Variants in IL1RL2 observed in about 807,000 individuals in gnomAD.
IL1RL2 encodes interleukin 1 receptor like 2, also known as interleukin-1 receptor-like 2.
IL1RL2 carries 68 observed loss-of-function variants against 66.8 expected under a neutral mutation model. The ratio of observed to expected loss-of-function variants is 1.02; its 90% confidence interval spans 0.84 to 1.25. The LOEUF (loss-of-function observed/expected upper bound fraction) is 1.25, where lower values mean the gene tolerates loss of function less well. Among genes scored for constraint, IL1RL2 ranks in the 50% most tolerant of loss-of-function variants. The pLI, the probability that IL1RL2 is intolerant of heterozygous loss-of-function variation, is 0.00. For missense variants in IL1RL2, 729 were observed against 709.3 expected, an observed-to-expected ratio of 1.03 and a Z score of -0.32; for synonymous variants, 305 against 264.6, an observed-to-expected ratio of 1.15 and a Z score of -1.48.
intron 11 of IL1RL2, among the ~76,000 whole-genome samples, chr2:102,236,793 T>C (rs975079950): frequency 5.3e-5 from 8 of 152,168 alleles, no homozygotes; most frequent in African/African-American, 1.9e-4. Context: ...ATAAAATACA[T>C]TTTAAGAATA....
At position 102,239,299 on chromosome 2, in the gene IL1RL2, C is replaced by G. The variant is rs375229847; in HGVS notation, c.*58C>G. 439 of 1,476,014 alleles carry G rather than the reference C, an allele frequency of 3.0e-4. 2 individuals are homozygous for G. The African/African-American group carries it at 5.6e-3, about 19-fold the overall frequency. The allele number at this position is 1,476,014 out of a possible 1,614,324, so 91.4% of individuals were successfully genotyped here. ...TGACTTGTTTTGCTCCATGTCTCCT[C>G]ATTCCTACACCTATTTTCTGCTGCA... On this transcript the variant is annotated 3_prime_UTR_variant, in exon 12 of 12. Coordinates refer to ENST00000264257, the MANE Select transcript of IL1RL2 (RefSeq NM_003854.4).
Position 102,189,131 on chromosome 2 carries a change from T to G in IL1RL2, c.114T>G (p.Phe38Leu). The G allele has an allele frequency of 6.2e-7, 1 of 1,614,168 alleles. No individual in the cohort carries two copies. The change falls in exon 3 of 12, where the codon TTT (phenylalanine) becomes TTG (leucine). Residue 38 changes from phenylalanine (F) to leucine (L), a missense_variant. Transcript: ENST00000264257. ...KNEILSASQP[F>L]AFNCTFPPIT... ...AGATACTTTCAGCAAGCCAGCCTTTTGCTTTTAATTGTACATTCCCTCCCA... is the reference window on the plus strand; with the variant it reads ...AGATACTTTCAGCAAGCCAGCCTTTGGCTTTTAATTGTACATTCCCTCCCA...
chr2:102,206,459 A>G (rs1274935405), intron 5 of IL1RL2, among the ~76,000 whole-genome samples: 1 of 152,248 alleles, frequency 6.6e-6, no homozygotes, highest in African/African-American at 2.4e-5. Context: ...CCCTAAGCCC[A>G]GTAATGCTGT....
intron 4 of IL1RL2, 63 bp from the exon 5 acceptor site, chr2:102,201,493 T>C (rs1429452766): frequency 6.7e-7 from 1 of 1,490,180 alleles, no homozygotes. Context: ...ATTACCTAAA[T>C]ACTAGGGATC....
rs35311062 is a variant in IL1RL2 at position 102,220,473 on chromosome 2, C to T, written c.991+456C>T. 4.2e-3 allele frequency among the ~76,000 whole-genome samples: 637 copies of T among 152,214 alleles called. 8 individuals carry two copies. The highest frequency in any genetic ancestry group is 0.014 in the African/African-American group (592 of 41,518). On this transcript the variant is annotated intron_variant, in intron 8 of 11. Coordinates refer to ENST00000264257, the MANE Select transcript of IL1RL2 (RefSeq NM_003854.4). ...GGGCTTCCAACTCAATGTGTGTATA[C>T]GAATTGCACTCTGAGTACCGTACAG...
chr2:102,242,901 G>A (rs926058755), downstream of IL1RL2, among the ~76,000 whole-genome samples: 1 of 152,162 alleles, frequency 6.6e-6, no homozygotes, highest in Non-Finnish European at 1.5e-5. Flanking sequence ...ACTGGAAATA[G>A]AAGAATTTAT....
At chr2:102,241,105 G>A (rs1164921581), downstream of IL1RL2, among the ~76,000 whole-genome samples, 1 of 152,222 alleles carries the variant, frequency 6.6e-6, no homozygotes, top group Non-Finnish European at 1.5e-5. Context: ...ACTTACAGGT[G>A]GGCGGGCATC....
At chr2:102,223,372 G>A (rs1288533194) in intron 8 of IL1RL2, among the ~76,000 whole-genome samples, 2 of 152,082 alleles carry the variant, frequency 1.3e-5, no homozygotes, top group Admixed American at 6.5e-5. Flanking sequence ...TGTTTAAATT[G>A]GGTGTGCTCT....
intron 11 of IL1RL2, chr2:102,236,102 A>T (rs1467770102): frequency 4.5e-6 from 1 of 223,996 alleles, no homozygotes; most frequent in Non-Finnish European, 7.5e-6. Flanking sequence ...TGCCCTTGTC[A>T]CAGGCCAATT....
At chr2:102,200,370 G>T (rs1265487400) in intron 4 of IL1RL2, among the ~76,000 whole-genome samples, 2 of 152,170 alleles carry the variant, frequency 1.3e-5, no homozygotes, top group South Asian at 2.1e-4. Flanking sequence ...ACTGCATCCT[G>T]CTGGGCGGCT....
chr2:102,240,361 CTTTTTTTT>C (rs551743835), downstream of IL1RL2, among the ~76,000 whole-genome samples: 168 of 79,788 alleles, frequency 2.1e-3, 2 homozygotes, highest in African/African-American at 7.4e-3. Context: ...TCTTCTCCTC[CTTTTTTTT>C]TTTTTTTTTT....
intron 9 of IL1RL2, among the ~76,000 whole-genome samples, chr2:102,231,757 A>T (rs1234112725): frequency 6.6e-6 from 1 of 152,180 alleles, no homozygotes; most frequent in Non-Finnish European, 1.5e-5. Context: ...ATAAATACTG[A>T]TGACGACGAC....
chr2:102,220,786 T>C (rs1329295779), intron 8 of IL1RL2, among the ~76,000 whole-genome samples: 8 of 152,232 alleles, frequency 5.3e-5, no homozygotes, highest in African/African-American at 1.9e-4. Flanking sequence ...GTTAAACCTA[T>C]GCTTGCATAC....
intron 11 of IL1RL2, among the ~76,000 whole-genome samples, chr2:102,237,210 G>A (rs140357731): frequency 6.6e-5 from 10 of 152,332 alleles, no homozygotes; most frequent in Non-Finnish European, 1.3e-4. Flanking sequence ...GAAGGAAGGG[G>A]GAAGGGTGCT....
intron 8 of IL1RL2, among the ~76,000 whole-genome samples, chr2:102,225,435 C>A: frequency 6.6e-6 from 1 of 152,184 alleles, no homozygotes; most frequent in East Asian, 1.9e-4. Context: ...GGGAGTCCAG[C>A]TGTTCAACTT....
chr2:102,226,191 A>G, intron 9 of IL1RL2, 150 bp downstream of exon 9: 1 of 561,230 alleles, frequency 1.8e-6, no homozygotes, highest in Non-Finnish European at 2.9e-6. Context: ...CTTTAGAGAA[A>G]TGATTTGTCC....
intron 11 of IL1RL2, among the ~76,000 whole-genome samples, chr2:102,237,847 T>C (rs987839369): frequency 1.3e-5 from 2 of 151,822 alleles, no homozygotes; most frequent in African/African-American, 4.8e-5. Flanking sequence ...GACAAAAAGG[T>C]AGTTTATGGG....
At chr2:102,232,066 A>C (rs1691184792) in intron 9 of IL1RL2, among the ~76,000 whole-genome samples, 1 of 150,598 alleles carries the variant, frequency 6.6e-6, no homozygotes, top group African/African-American at 2.4e-5. Context: ...TCTGTCATCC[A>C]GGCTGGAGTG....
At chr2:102,212,923 C>T (rs982196332) in intron 6 of IL1RL2, among the ~76,000 whole-genome samples, 4 of 152,100 alleles carry the variant, frequency 2.6e-5, no homozygotes, top group Non-Finnish European at 4.4e-5. Context: ...GAGCCGAGAT[C>T]GCGCCACTGC....
Sources: allele counts gnomAD v4.1 joint callset (sites outside exome capture counted in the v4.1 genomes callset), GRCh38; gene constraint gnomAD v4.1.1; transcripts MANE v1.5; gene names NCBI Gene and HGNC (gene_info 2026-07-23, HGNC 2026-07-21).